The following DISP1 variants were observed in gnomAD, a reference collection of about 807,000 sequenced individuals.
The protein encoded by DISP1 is protein dispatched homolog 1.
DISP1 carries 30 observed loss-of-function variants against 37.3 expected under a neutral mutation model. That is an observed-to-expected ratio of 0.80 (90% confidence interval 0.60 to 1.09). The LOEUF (loss-of-function observed/expected upper bound fraction) is 1.09, where lower values mean the gene tolerates loss of function less well. Ranked by LOEUF, DISP1 falls within the 50% of genes least tolerant of loss-of-function variation. DISP1 has a pLI of 0.00. For missense variants in DISP1, 1,598 were observed against 1,879.5 expected, an observed-to-expected ratio of 0.85 and a Z score of 2.77; for synonymous variants, 634 against 690.2, an observed-to-expected ratio of 0.92 and a Z score of 1.28.
intron 3 of DISP1, among the ~76,000 whole-genome samples, chr1:222,957,851 A>C (rs539719525): frequency 6.6e-6 from 1 of 152,368 alleles, no homozygotes; most frequent in South Asian, 2.1e-4. Context: ...GGCTATAGTA[A>C]GAGAAAAGTT....
chr1:223,005,278 TGTGCCACCA>T lies in DISP1; in HGVS notation c.3886_3894del (p.His1296_Cys1298del), dbSNP rs1192925850. On this transcript the variant is annotated inframe_deletion, in exon 9 of 9. Coordinates refer to ENST00000675850, the MANE Select transcript of DISP1 (RefSeq NM_001377229.1). ...TCTTGCCAGCAGATGGGGGACTGCTTGTGCCACCAGTGCTCTCCTACCACTAGCAGCTTT... is the reference window on the plus strand; with the variant it reads ...TCTTGCCAGCAGATGGGGGACTGCTTGTGCTCTCCTACCACTAGCAGCTTT... 1 of 1,613,884 alleles carries T rather than the reference TGTGCCACCA, an allele frequency of 6.2e-7. No individual in the cohort carries two copies. The highest frequency in any genetic ancestry group is 2.2e-5 in the East Asian group (1 of 44,872).
At chr1:222,938,148 C>T (rs1674109252) in intron 2 of DISP1, among the ~76,000 whole-genome samples, 1 of 152,148 alleles carries the variant, frequency 6.6e-6, no homozygotes, top group African/African-American at 2.4e-5. Context: ...GCTGGGATTA[C>T]AGGCATGAGC....
chr1:222,861,532 A>G (rs1488296495), intron 1 of DISP1, among the ~76,000 whole-genome samples: 3 of 152,228 alleles, frequency 2.0e-5, no homozygotes, highest in African/African-American at 7.2e-5. Flanking sequence ...CTGGGTTTGA[A>G]TCCCATCACT....
chr1:222,828,233 A>G (rs1175406384), intron 1 of DISP1, among the ~76,000 whole-genome samples: 2 of 152,200 alleles, frequency 1.3e-5, no homozygotes, highest in Admixed American at 6.5e-5. Flanking sequence ...TCTTTCTGCC[A>G]TATCATATGC....
At position 222,990,762 on chromosome 1, in the gene DISP1, A is replaced by G. The variant is rs1428718758; in HGVS notation, c.663+14A>G. ...GATCCATTGCTGGTAACTAACTTTTATGTTTTCTTTAGCCTAAAATCATCT... is the reference window on the plus strand; with the variant it reads ...GATCCATTGCTGGTAACTAACTTTTGTGTTTTCTTTAGCCTAAAATCATCT... On this transcript the variant is annotated intron_variant, in intron 5 of 8. Transcript: ENST00000675850. The G allele has an allele frequency of 1.2e-6, 2 of 1,613,624 alleles. No individual in the cohort carries two copies. The highest frequency in any genetic ancestry group is 2.7e-5 in the African/African-American group (2 of 74,882).
intron 1 of DISP1, among the ~76,000 whole-genome samples, chr1:222,819,538 C>CT (rs762729584): frequency 0.31 from 36,117 of 118,112 alleles, 5,939 homozygotes; most frequent in Middle Eastern, 0.36. Flanking sequence ...ACACACATAT[C>CT]TTTTTTTTTT....
intron 1 of DISP1, among the ~76,000 whole-genome samples, chr1:222,922,888 A>T (rs2125444103): frequency 6.6e-6 from 1 of 152,328 alleles, no homozygotes; most frequent in Admixed American, 6.5e-5. Context: ...ATGGAAACTA[A>T]GTAAAGAGAA....
chr1:222,974,352 A>G (rs1267753662), intron 3 of DISP1, among the ~76,000 whole-genome samples: 1 of 152,236 alleles, frequency 6.6e-6, no homozygotes, highest in East Asian at 1.9e-4. Context: ...TTCAGGGTCC[A>G]GACTTTAACT....
In DISP1 at chr1:223,005,461, T is replaced by G. The variant is rs774846237; in HGVS notation, c.4064T>G (p.Phe1355Cys). 5 of 1,613,524 alleles carry G rather than the reference T, an allele frequency of 3.1e-6. No homozygotes were observed. Among genetic ancestry groups the G allele is most frequent in the Non-Finnish European group, 2.5e-6 (3 of 1,179,978 alleles). ...ATGCAGAATTCTCTGCCTAGGAATTTTTTCCTCCACCCAGTGCAGCACATT... is the reference window on the plus strand; with the variant it reads ...ATGCAGAATTCTCTGCCTAGGAATTGTTTCCTCCACCCAGTGCAGCACATT... ...AGMQNSLPRN[F>C]FLHPVQHIQA... is the part of the protein sequence containing the mutation. The change falls in exon 9 of 9, where the codon TTT becomes TGT. Residue 1355 changes from phenylalanine (F) to cysteine (C), a missense_variant. Phe to Cys is a radical substitution (Grantham distance 205). Transcript: ENST00000675850.
intron 2 of DISP1, among the ~76,000 whole-genome samples, chr1:222,940,443 C>T (rs2125487115): frequency 6.6e-6 from 1 of 152,298 alleles, no homozygotes; most frequent in East Asian, 1.9e-4. Context: ...CACGCCCCAC[C>T]TCCAACACTG....
At chr1:222,887,486 GTTTTTTTTTTTTT>G (rs940346379) in intron 1 of DISP1, among the ~76,000 whole-genome samples, 1 of 83,100 alleles carries the variant, frequency 1.2e-5, no homozygotes, top group African/African-American at 4.8e-5. Flanking sequence ...CATTGTTTTT[GTTTTTTTTTTTTT>G]TTTTTTTTTT....
chr1:222,923,436 G>T (rs530353611), intron 1 of DISP1, among the ~76,000 whole-genome samples: 2 of 152,286 alleles, frequency 1.3e-5, no homozygotes, highest in Admixed American at 1.3e-4. Context: ...CATGTGGCTT[G>T]TGGCTACCTT....
chr1:222,983,516 C>T (rs916526521), intron 4 of DISP1, among the ~76,000 whole-genome samples: 1 of 152,020 alleles, frequency 6.6e-6, no homozygotes, highest in Non-Finnish European at 1.5e-5. Context: ...ACTCGGGAGG[C>T]TGAGGCAGGA....
chr1:222,863,244 A>T (rs1053821098), intron 1 of DISP1, among the ~76,000 whole-genome samples: 5 of 148,316 alleles, frequency 3.4e-5, no homozygotes, highest in African/African-American at 1.2e-4. Context: ...GAGAGGGCTG[A>T]AGGCGGTGGC....
chr1:222,830,267 A>G (rs1401166647), intron 1 of DISP1, among the ~76,000 whole-genome samples: 1 of 152,148 alleles, frequency 6.6e-6, no homozygotes, highest in Admixed American at 6.6e-5. Context: ...GGTCATTTCA[A>G]TGAAAAGAAG....
chr1:223,002,335 T>C (rs775326171), intron 8 of DISP1, 50 bp from the exon 9 acceptor site: 2 of 1,553,768 alleles, frequency 1.3e-6, no homozygotes, highest in Non-Finnish European at 8.9e-7. Context: ...TTGTGAACGA[T>C]TGTGAACCAA....
chr1:222,932,932 A>G (rs1258317282), intron 2 of DISP1, among the ~76,000 whole-genome samples: 1 of 152,002 alleles, frequency 6.6e-6, no homozygotes, highest in Non-Finnish European at 1.5e-5. Flanking sequence ...ATTGAAAGAG[A>G]TAAACTTCAT....
intron 1 of DISP1, among the ~76,000 whole-genome samples, chr1:222,841,704 A>G (rs958293438): frequency 6.6e-6 from 1 of 152,174 alleles, no homozygotes; most frequent in Non-Finnish European, 1.5e-5. Context: ...TAATGAGTAT[A>G]CTGTTTTATT....
At chr1:222,942,745 G>T in intron 2 of DISP1, 62 bp from the exon 3 acceptor site, 1 of 1,585,050 alleles carries the variant, frequency 6.3e-7, no homozygotes, top group Non-Finnish European at 8.7e-7. Context: ...TATCATACTT[G>T]TCTTTCCTAC....
Sources: allele counts gnomAD v4.1 joint callset (sites outside exome capture counted in the v4.1 genomes callset), GRCh38; gene constraint gnomAD v4.1.1; transcripts MANE v1.5; gene names NCBI Gene and HGNC (gene_info 2026-07-23, HGNC 2026-07-21).